The following TAFA1 variants were observed in gnomAD, a reference collection of about 807,000 sequenced individuals.
TAFA1 encodes the protein chemokine-like protein TAFA-1.
In TAFA1, 4 loss-of-function variants were observed where a neutral mutation model predicts 18.5. That is an observed-to-expected ratio of 0.22 (90% CI 0.11 to 0.49). The LOEUF (loss-of-function observed/expected upper bound fraction) is 0.49. Among genes scored for constraint, TAFA1 ranks in the 20% least tolerant of loss-of-function variants. The pLI, the probability that TAFA1 is intolerant of heterozygous loss-of-function variation, is 0.98. For missense variants in TAFA1, 147 were observed against 169.0 expected (o/e 0.87, Z 0.72); for synonymous variants, 56 against 55.2 (o/e 1.01, Z -0.06).
At chr3:68,472,747 C>T (rs567755579) in intron 3 of TAFA1, among the ~76,000 whole-genome samples, 56 of 151,956 alleles carry the variant, frequency 3.7e-4, no homozygotes, top group Non-Finnish European at 6.0e-4. Flanking sequence ...AATAAAATGC[C>T]TATAAATCAG....
At chr3:68,242,543 A>C (rs1352004118) in intron 2 of TAFA1, among the ~76,000 whole-genome samples, 2 of 152,146 alleles carry the variant, frequency 1.3e-5, no homozygotes, top group African/African-American at 4.8e-5. Context: ...CCTAGCAATT[A>C]GATGTTATTT....
intron 2 of TAFA1, among the ~76,000 whole-genome samples, chr3:68,226,806 G>A (rs956635005): frequency 6.6e-6 from 1 of 152,150 alleles, no homozygotes; most frequent in Non-Finnish European, 1.5e-5. Context: ...TCAGAGCCTG[G>A]TCACTTCCCA....
chr3:68,399,259 C>A (rs890682243), intron 2 of TAFA1, among the ~76,000 whole-genome samples: 1 of 152,082 alleles, frequency 6.6e-6, no homozygotes, highest in African/African-American at 2.4e-5. Flanking sequence ...AGAAATGTAT[C>A]CATTTTACAT....
intron 2 of TAFA1, among the ~76,000 whole-genome samples, chr3:68,183,134 G>A (rs73834877): frequency 0.045 from 6,870 of 152,164 alleles, 182 homozygotes; most frequent in East Asian, 0.091. Flanking sequence ...TGGGTGAAAT[G>A]GTGGTTTGAG....
In TAFA1 at chr3:68,544,571, C is replaced by G. The variant is rs1451421987; in HGVS notation, c.*68C>G. 1.3e-6 allele frequency: 2 copies of G among 1,502,378 alleles called. No homozygotes were observed. The highest frequency in any genetic ancestry group is 2.8e-5 in the African/African-American group (2 of 72,552). 93.1% of individuals were successfully genotyped at this position (1,502,378 alleles called of 1,614,324 possible). On this transcript the variant is annotated 3_prime_UTR_variant, in exon 5 of 5. Transcript: ENST00000478136. The stretch of plus-strand genomic sequence containing the variant: ...AATACATTTTGAGAATCTCAAACAT[C>G]TCACATATATACAAGCCAAATGGAT...
intron 2 of TAFA1, among the ~76,000 whole-genome samples, chr3:68,416,317 A>T (rs2070837387): frequency 6.6e-6 from 1 of 152,180 alleles, no homozygotes; most frequent in African/African-American, 2.4e-5. Flanking sequence ...ATGTATTCTC[A>T]TCCATATAGT....
chr3:68,384,691 C>G (rs73101177), intron 2 of TAFA1, among the ~76,000 whole-genome samples: 4,061 of 152,096 alleles, frequency 0.027, 67 homozygotes, highest in Middle Eastern at 0.041. Context: ...CCATTTGGTA[C>G]AGTGCTGAGT....
chr3:68,369,943 G>A (rs1456365717), intron 2 of TAFA1, among the ~76,000 whole-genome samples: 1 of 152,120 alleles, frequency 6.6e-6, no homozygotes, highest in Middle Eastern at 3.4e-3. Context: ...TCAGGAAGCT[G>A]AATGCCGAAA....
intron 2 of TAFA1, among the ~76,000 whole-genome samples, chr3:68,262,642 A>G (rs992589355): frequency 6.6e-6 from 1 of 151,994 alleles, no homozygotes; most frequent in African/African-American, 2.4e-5. Context: ...GTAGTATTCC[A>G]TGGTATATAT....
chr3:68,472,111 G>A (rs187664173), intron 3 of TAFA1, among the ~76,000 whole-genome samples: 1 of 151,886 alleles, frequency 6.6e-6, no homozygotes, highest in Non-Finnish European at 1.5e-5. Context: ...TGGTTTGACT[G>A]TGTCCCCACC....
intron 2 of TAFA1, among the ~76,000 whole-genome samples, chr3:68,170,057 G>C (rs926334226): frequency 6.6e-6 from 1 of 152,056 alleles, no homozygotes; most frequent in African/African-American, 2.4e-5. Flanking sequence ...ATTAACTAAG[G>C]GCTTATAACA....
chr3:68,324,720 T>C (rs953239158), intron 2 of TAFA1, among the ~76,000 whole-genome samples: 2 of 152,186 alleles, frequency 1.3e-5, no homozygotes, highest in African/African-American at 4.8e-5. Context: ...CCCATTAAAA[T>C]GGCAAAACTG....
chr3:68,151,004 A>T (rs1262934841), intron 2 of TAFA1, among the ~76,000 whole-genome samples: 1 of 151,918 alleles, frequency 6.6e-6, no homozygotes, highest in Non-Finnish European at 1.5e-5. Flanking sequence ...AAACTAAAAA[A>T]CTAAGTGACT....
chr3:68,518,583 T>C (rs2072963456), intron 3 of TAFA1, among the ~76,000 whole-genome samples: 1 of 152,216 alleles, frequency 6.6e-6, no homozygotes. Context: ...TGATTACTTT[T>C]ATAATAACAA....
intron 2 of TAFA1, among the ~76,000 whole-genome samples, chr3:68,397,781 C>T (rs998022657): frequency 3.9e-5 from 6 of 152,208 alleles, no homozygotes; most frequent in African/African-American, 1.4e-4. Flanking sequence ...CTCCCACCAA[C>T]AGCGTAAAAG....
chr3:68,408,026 T>C (rs1262793267), intron 2 of TAFA1, among the ~76,000 whole-genome samples: 1 of 152,148 alleles, frequency 6.6e-6, no homozygotes, highest in Non-Finnish European at 1.5e-5. Flanking sequence ...CAGTATTAAA[T>C]ATGCATTTCT....
At chr3:68,340,647 G>A (rs2069065317) in intron 2 of TAFA1, among the ~76,000 whole-genome samples, 1 of 152,116 alleles carries the variant, frequency 6.6e-6, no homozygotes, top group Admixed American at 6.5e-5. Context: ...GAACAGGAAA[G>A]CTCAATCATT....
chr3:68,042,521 T>A (rs1385840059), intron 2 of TAFA1, among the ~76,000 whole-genome samples: 1 of 152,086 alleles, frequency 6.6e-6, no homozygotes, highest in East Asian at 1.9e-4. Context: ...TGGTGGCACA[T>A]GCCTGTAATC....
chr3:68,478,219 A>G (rs1190905663), intron 3 of TAFA1, among the ~76,000 whole-genome samples: 1 of 152,224 alleles, frequency 6.6e-6, no homozygotes. Context: ...AAATTGGAAC[A>G]CAGTATGGCA....
Sources: gnomAD v4.1 joint callset for allele counts (sites outside exome capture counted in the v4.1 genomes callset) on GRCh38, gnomAD v4.1.1 for gene constraint, MANE v1.5 for transcripts, NCBI Gene and HGNC (gene_info 2026-07-23, HGNC 2026-07-21) for gene names.